Variants in BIN1 observed in about 807,000 individuals in gnomAD.
The protein encoded by BIN1 is myc box-dependent-interacting protein 1.
A neutral mutation model predicts 82.0 loss-of-function variants in BIN1; 53 were observed. The ratio of observed to expected loss-of-function variants is 0.65; its 90% CI spans 0.52 to 0.81. The LOEUF (loss-of-function observed/expected upper bound fraction) is 0.81. BIN1 is among the 40% of genes least tolerant of loss of function. The probability of loss-of-function intolerance (pLI) is 0.00; values close to 1 mark genes in which losing one functional copy is unlikely to be tolerated. For missense variants in BIN1, 642 were observed against 784.4 expected (o/e 0.82, Z 2.17); for synonymous variants, 302 against 328.0 (o/e 0.92, Z 0.86).
chr2:127,070,547 G>T lies in BIN1; in HGVS notation c.315+6C>A, dbSNP rs779449140. ...AGAAGGGCAGGCCCACCTGTCCCAT[G>T]CTCACCTCTGCGATCTTGTTTGCCT... On this transcript the variant is annotated splice_donor_region_variant and intron_variant, in intron 4 of 18. Transcript: ENST00000316724. 2 of 1,613,906 alleles carry T rather than the reference G, an allele frequency of 1.2e-6. No individual in the cohort carries two copies. The highest frequency in any genetic ancestry group is 8.5e-7 in the Non-Finnish European group (1 of 1,179,994).
chr2:127,087,196 C>A (rs115681330), intron 1 of BIN1, among the ~76,000 whole-genome samples: 1 of 152,328 alleles, frequency 6.6e-6, no homozygotes, highest in Non-Finnish European at 1.5e-5. Flanking sequence ...CCTCCCAGCC[C>A]GGCCGGCCCC....
intron 9 of BIN1, among the ~76,000 whole-genome samples, chr2:127,063,070 G>A (rs1285641676): frequency 1.3e-5 from 2 of 152,232 alleles, no homozygotes; most frequent in African/African-American, 4.8e-5. Context: ...TTAGTTGCCA[G>A]ATAGGTTAAA....
Position 127,068,165 on chromosome 2 carries a change from G to C in BIN1, c.610C>G (p.Gln204Glu). 1 of 1,613,372 alleles carries C rather than the reference G, an allele frequency of 6.2e-7. No homozygotes were observed. Among genetic ancestry groups the C allele is most frequent in the Non-Finnish European group, 8.5e-7 (1 of 1,179,714 alleles). The change falls in exon 7 of 19, where the codon CAG (glutamine) becomes GAG (glutamate). Residue 204 changes from glutamine (Q) to glutamate (E), a missense_variant and splice_region_variant. Gln to Glu is a conservative substitution (Grantham distance 29, BLOSUM62 2). Transcript: ENST00000316724. This position sits in a 1 kb window ranked among gnomAD's most constrained non-coding sequence, Gnocchi z 4.9. ...GCAAGGTTAGAAGCCAGTGTCACCT[G>C]ATTTCGGAGCAGGTTAGTTTGAGCT... ...LVAQTNLLRNQAEEELIKAQK... is the reference protein window; with the variant it reads ...LVAQTNLLRNEAEEELIKAQK...
Position 127,068,204 on chromosome 2 carries a change from G to A in BIN1, c.571C>T (p.Gln191Ter). Residue 191 changes from glutamine (Q) to a stop codon, truncating the protein, a stop_gained, in exon 7 of 19, where the codon CAG becomes TAG. Coordinates refer to ENST00000316724, the MANE Select transcript of BIN1 (RefSeq NM_139343.3). LOFTEE classifies it high-confidence loss of function. This position sits in a 1 kb window ranked among gnomAD's most constrained non-coding sequence, Gnocchi z 4.9. ...AAPQWCQGKL[Q>*]AHLVAQTNLL... The stretch of plus-strand genomic sequence containing the variant: ...TTAGTTTGAGCTACGAGATGAGCCT[G>A]CAGTTTGCCTTGGCACCACTGGGGG... 6.2e-7 allele frequency: 1 copy of A among 1,613,872 alleles called. No homozygotes were observed. Among genetic ancestry groups the A allele is most frequent in the Non-Finnish European group, 8.5e-7 (1 of 1,179,998 alleles).
rs1445898966 is a variant in BIN1 at position 127,050,460 on chromosome 2, A to G, written c.1635T>C (p.Asp545=). ...TCTGGAAGGGGATCACCAGCACCAC[A>G]TCACCAGCCTTGAGCTGCAGCTCGT... ...DTDELQLKAG[D]VVLVIPFQNP... The change falls in exon 18 of 19, where the codon GAT becomes GAC. Residue 545 remains aspartate (D), a synonymous_variant. Transcript: ENST00000316724. 6.2e-7 allele frequency: 1 copy of G among 1,614,208 alleles called. No homozygotes were observed. Among genetic ancestry groups the G allele is most frequent in the East Asian group, 2.2e-5 (1 of 44,874 alleles).
intron 1 of BIN1, among the ~76,000 whole-genome samples, chr2:127,091,109 C>T (rs1175575549): frequency 6.6e-6 from 1 of 152,208 alleles, no homozygotes; most frequent in African/African-American, 2.4e-5. Flanking sequence ...ATCTCAAACA[C>T]ATCATTGGTA....
In BIN1 at chr2:127,053,890, G is replaced by T; in HGVS notation, c.1239+15C>A. 6.5e-7 allele frequency: 1 copy of T among 1,549,774 alleles called. No individual in the cohort carries two copies. The highest frequency in any genetic ancestry group is 1.2e-5 in the South Asian group (1 of 84,002). ...GAAGCTGGTGGGCCCATGGGCAGTG[G>T]TGGGCACAACCAACCTGACCAGAGG... On this transcript the variant is annotated intron_variant, in intron 13 of 18. Coordinates refer to ENST00000316724, the MANE Select transcript of BIN1 (RefSeq NM_139343.3).
chr2:127,097,290 G>A (rs764991755), intron 1 of BIN1, among the ~76,000 whole-genome samples: 9 of 151,964 alleles, frequency 5.9e-5, no homozygotes, highest in Admixed American at 1.3e-4. Flanking sequence ...GCCCAGCAGC[G>A]TCAGCCCTCC....
At position 127,099,032 on chromosome 2, in the gene BIN1, G is replaced by A. The variant is rs929980588; in HGVS notation, c.84+7828C>T. Among the ~76,000 whole-genome samples, 3 of 152,138 alleles carry A rather than the reference G, an allele frequency of 2.0e-5. 1 individual carries two copies. Among genetic ancestry groups the A allele is most frequent in the Non-Finnish European group, 4.4e-5 (3 of 68,006 alleles). On this transcript the variant is annotated intron_variant, in intron 1 of 18. Transcript: ENST00000316724. ...ATCCTGGGTCCCTCCAGGGTGGCCG[G>A]GGCAGGGTGGGATCTGCACCCACTA...
rs1682472285 is a variant in BIN1 at position 127,048,602 on chromosome 2, C to G, written c.1706G>C (p.Ser569Thr). Reference protein sequence around the residue: ...DEGWLMGVKESDWNQHKELEK... With the variant: ...DEGWLMGVKETDWNQHKELEK... ...CAGCTCCTTGTGCTGGTTCCAGTCG[C>G]TCTCCTTCACGCCCATGAGCCAGCC... is the stretch of plus-strand genomic sequence containing the variant. The change falls in exon 19 of 19, where the codon AGC (serine) becomes ACC (threonine). Residue 569 changes from serine (S) to threonine (T), a missense_variant. By Grantham distance (58) the Ser-to-Thr change is moderately conservative. Transcript: ENST00000316724. 1 of 1,613,456 alleles carries G rather than the reference C, an allele frequency of 6.2e-7. No individual in the cohort carries two copies. The highest frequency in any genetic ancestry group is 1.1e-5 in the South Asian group (1 of 91,050).
intron 1 of BIN1, among the ~76,000 whole-genome samples, chr2:127,078,282 C>T (rs1389969141): frequency 6.6e-6 from 1 of 152,206 alleles, no homozygotes; most frequent in Non-Finnish European, 1.5e-5. Flanking sequence ...GCACCTTGGC[C>T]GGTACAGCAG....
At position 127,067,868 on chromosome 2, in the gene BIN1, A is replaced by G. The variant is rs1685346591; in HGVS notation, c.612+295T>C. On this transcript the variant is annotated intron_variant, in intron 7 of 18. Coordinates refer to ENST00000316724, the MANE Select transcript of BIN1 (RefSeq NM_139343.3). The surrounding 1 kb of genome is among the most constrained non-coding windows in gnomAD (Gnocchi z 4.7). ...GCCCTCACAGAGGACAATGGCTCAA[A>G]GGCATTCCTGGACCACTAGGATTTC... 1.3e-5 allele frequency among the ~76,000 whole-genome samples: 2 copies of G among 152,208 alleles called. No homozygotes were observed. The highest frequency in any genetic ancestry group is 4.1e-4 in the South Asian group (2 of 4,834).
intron 18 of BIN1, among the ~76,000 whole-genome samples, chr2:127,049,037 C>T (rs1682531269): frequency 6.6e-6 from 1 of 152,254 alleles, no homozygotes; most frequent in Non-Finnish European, 1.5e-5. Context: ...TCGACTTGCC[C>T]TTTGCTTCAA....
At position 127,048,659 on chromosome 2, in the gene BIN1, C is replaced by T. The variant is rs756269144; in HGVS notation, c.1675-26G>A. Reference sequence around the variant, plus strand: ...CTGAGGGGCAGAGCACCAGGTCGCACAGGGATGAGCAAGGGGCTCCACCCC... The same window carrying T: ...CTGAGGGGCAGAGCACCAGGTCGCATAGGGATGAGCAAGGGGCTCCACCCC... On this transcript the variant is annotated intron_variant, in intron 18 of 18. Transcript: ENST00000316724. 7 of 1,607,714 alleles carry T rather than the reference C, an allele frequency of 4.4e-6. No individual in the cohort carries two copies. The East Asian group carries it at 8.9e-5, about 20-fold the overall frequency.
chr2:127,068,433 G>A lies in BIN1; in HGVS notation c.520-178C>T, dbSNP rs527639201. On this transcript the variant is annotated intron_variant, in intron 6 of 18. Transcript: ENST00000316724. The surrounding 1 kb of genome is among the most constrained non-coding windows in gnomAD (Gnocchi z 4.9). ...GGGAGCCCGGGGGGTAAGGAAAGGGGGTGAACTCCAACTGCAGAGGCAAAA... is the reference window on the plus strand; with the variant it reads ...GGGAGCCCGGGGGGTAAGGAAAGGGAGTGAACTCCAACTGCAGAGGCAAAA... Among the ~76,000 whole-genome samples the A allele has an allele frequency of 2.5e-4, 38 of 152,010 alleles. No homozygotes were observed. Among genetic ancestry groups the A allele is most frequent in the African/African-American group, 9.2e-4 (38 of 41,458 alleles).
rs1678748223 is a variant in BIN1, at chr2:127,090,252, G to A, written c.85-13546C>T. ...CATGGAAATCAACCAAACAGCTGAA[G>A]ACAGTGGCCATCGCAGCAAGGCCAG... is the stretch of plus-strand genomic sequence containing the variant. On this transcript the variant is annotated intron_variant, in intron 1 of 18. Transcript: ENST00000316724. This position sits in a 1 kb window ranked among gnomAD's most constrained non-coding sequence, Gnocchi z 6.4. 1.3e-5 allele frequency among the ~76,000 whole-genome samples: 2 copies of A among 152,212 alleles called. No homozygotes were observed. The highest frequency in any genetic ancestry group is 4.1e-4 in the South Asian group (2 of 4,830).
In BIN1 at chr2:127,064,016, G is replaced by C. The variant is rs748308882; in HGVS notation, c.615C>G (p.Ala205=). Residue 205 remains alanine (A), a splice_region_variant and synonymous_variant, in exon 8 of 19, where the codon GCC becomes GCG. Coordinates refer to ENST00000316724, the MANE Select transcript of BIN1 (RefSeq NM_139343.3). ...VAQTNLLRNQ[A]EEELIKAQKV... Reference sequence around the variant, plus strand: ...TCTGGGCTTTGATGAGCTCCTCCTCGGCCTGGGGGGCAGCACGGGTCATTC... The same window carrying C: ...TCTGGGCTTTGATGAGCTCCTCCTCCGCCTGGGGGGCAGCACGGGTCATTC... The C allele has an allele frequency of 1.9e-6, 3 of 1,613,678 alleles. No individual in the cohort carries two copies. Among genetic ancestry groups the C allele is most frequent in the Middle Eastern group, 1.6e-4 (1 of 6,084 alleles).
At chr2:127,069,731 A>AACACACACACACACACACACACACAC (rs3832046) in intron 5 of BIN1, among the ~76,000 whole-genome samples, 2 of 147,586 alleles carry the variant, frequency 1.4e-5, no homozygotes, top group African/African-American at 5.0e-5. Context: ...ACTCCGCAGC[A>AACACACACACACACACACACACACAC]ACACACACAC....
rs541147724 is a variant in BIN1 at position 127,057,028 on chromosome 2, T to C, written c.1131+445A>G. ...GAGTGTGCACACGGCAGTTCTGCCC[T>C]GCAGCCTGGCCGCTGCCCCCGCCCT... On this transcript the variant is annotated intron_variant, in intron 12 of 18. Coordinates refer to ENST00000316724, the MANE Select transcript of BIN1 (RefSeq NM_139343.3). The surrounding 1 kb of genome is among the most constrained non-coding windows in gnomAD (Gnocchi z 5.0). Among the ~76,000 whole-genome samples, 2 of 152,334 alleles carry C rather than the reference T, an allele frequency of 1.3e-5. No homozygotes were observed. Among genetic ancestry groups the C allele is most frequent in the East Asian group, 3.9e-4 (2 of 5,164 alleles).
Sources: allele counts gnomAD v4.1 joint callset (sites outside exome capture counted in the v4.1 genomes callset), GRCh38; gene constraint gnomAD v4.1.1; non-coding constraint Gnocchi (gnomAD v3.1); transcripts MANE v1.5; gene names NCBI Gene and HGNC (gene_info 2026-07-23, HGNC 2026-07-21).